The following PCDHGB3 variants were observed in gnomAD, a reference collection of about 807,000 sequenced individuals.
PCDHGB3 encodes protocadherin gamma-B3.
Under a neutral mutation model 59.2 loss-of-function variants are expected in PCDHGB3, and 40 were observed. The observed-to-expected ratio is 0.68, with a 90% CI of 0.52 to 0.88. PCDHGB3 has a LOEUF of 0.88. Among genes scored for constraint, PCDHGB3 ranks in the 40% least tolerant of loss-of-function variants. The pLI is 0.00. For missense variants in PCDHGB3, 1,309 were observed against 1,187.9 expected (o/e 1.10, Z -1.50); for synonymous variants, 581 against 503.6 (o/e 1.15, Z -2.06).
At chr5:141,423,826 A>G (rs1324911075) in intron 1 of PCDHGB3, 21 of 1,275,178 alleles carry the variant, frequency 1.6e-5, no homozygotes, top group Middle Eastern at 2.2e-4. Flanking sequence ...TTTGCCTTTC[A>G]TGAGATTACG....
intron 1 of PCDHGB3, chr5:141,404,355 G>A (rs1170833341): frequency 6.2e-7 from 1 of 1,613,896 alleles, no homozygotes; most frequent in Admixed American, 1.7e-5. Flanking sequence ...AACGCCAGAG[G>A]TACTTCCATC....
At chr5:141,418,463 C>G in intron 1 of PCDHGB3, 1 of 1,613,944 alleles carries the variant, frequency 6.2e-7, no homozygotes, top group South Asian at 1.1e-5. Context: ...GACTCTGGAC[C>G]GAGAAACGCA....
Position 141,374,832 on chromosome 5 carries a change from G to A in PCDHGB3, c.2415+2023G>A, listed in dbSNP as rs776699327. On this transcript the variant is annotated intron_variant, in intron 1 of 3. Transcript: ENST00000576222. ...TTTACTCAGCCTGTCTACCGTGTAA[G>A]TGTTCCTGAAAACCTGCCAGTAGGC... 3.1e-6 allele frequency: 5 copies of A among 1,613,908 alleles called. 1 individual carries two copies. The South Asian group carries it at 5.5e-5, about 18-fold the overall frequency.
Position 141,489,273 on chromosome 5 carries a change from G to GA in PCDHGB3, c.2416-5531dup. The GA allele has an allele frequency of 6.4e-7, 1 of 1,555,870 alleles. No individual in the cohort carries two copies. The highest frequency in any genetic ancestry group is 2.2e-5 in the East Asian group (1 of 44,466). On this transcript the variant is annotated intron_variant, in intron 1 of 3. Coordinates refer to ENST00000576222, the MANE Select transcript of PCDHGB3 (RefSeq NM_018924.5). The surrounding 1 kb of genome is among the most constrained non-coding windows in gnomAD (Gnocchi z 4.5). ...CCAAGACACTCCCACAGCTCGCTGG[G>GA]AAATGGCAAGTGCTGTGCATGTTGT...
At position 141,431,942 on chromosome 5, in the gene PCDHGB3, G is replaced by A. The variant is rs1284808063; in HGVS notation, c.2415+59133G>A. 6.2e-7 allele frequency: 1 copy of A among 1,614,116 alleles called. No homozygotes were observed. The highest frequency in any genetic ancestry group is 2.2e-5 in the East Asian group (1 of 44,884). ...CCAAGGAAATCTGCCCTTTAAATTA[G>A]AAAAATCTTACGGAAATTACTATAG... On this transcript the variant is annotated intron_variant, in intron 1 of 3. Transcript: ENST00000576222. The surrounding 1 kb of genome is among the most constrained non-coding windows in gnomAD (Gnocchi z 4.8).
Position 141,371,783 on chromosome 5 carries a change from G to A in PCDHGB3, c.1389G>A (p.Glu463=). ...HQASYTVHVA[E]NNPPGASIAH... ...CCTCCTACACCGTGCATGTAGCTGA[G>A]AACAATCCGCCTGGAGCCTCCATTG... is the stretch of plus-strand genomic sequence containing the variant. Residue 463 remains glutamate (E), a synonymous_variant, in exon 1 of 4, where the codon GAG becomes GAA. Coordinates refer to ENST00000576222, the MANE Select transcript of PCDHGB3 (RefSeq NM_018924.5). 6.2e-7 allele frequency: 1 copy of A among 1,613,986 alleles called. No individual in the cohort carries two copies. The highest frequency in any genetic ancestry group is 8.5e-7 in the Non-Finnish European group (1 of 1,179,904).
intron 1 of PCDHGB3, chr5:141,427,369 C>T (rs1333238163): frequency 4.4e-6 from 2 of 457,834 alleles, no homozygotes; most frequent in Non-Finnish European, 8.8e-6. Flanking sequence ...GAACCCTGGA[C>T]GGTGATCACT....
chr5:141,509,699 C>T (rs779592471), intron 3 of PCDHGB3, among the ~76,000 whole-genome samples: 4 of 152,168 alleles, frequency 2.6e-5, no homozygotes, highest in Non-Finnish European at 5.9e-5. Flanking sequence ...GGACGTTGGA[C>T]TGGAGGTGCT....
intron 2 of PCDHGB3, among the ~76,000 whole-genome samples, chr5:141,497,543 T>C (rs896069181): frequency 4.7e-5 from 7 of 149,068 alleles, no homozygotes; most frequent in Non-Finnish European, 9.0e-5. Context: ...AACAAACCTT[T>C]TTTTTTTTTT....
At chr5:141,419,318 G>A in intron 1 of PCDHGB3, 1 of 1,613,992 alleles carries the variant, frequency 6.2e-7, no homozygotes, top group Non-Finnish European at 8.5e-7. Flanking sequence ...CAACGGCCGT[G>A]TCTCCTACTC....
intron 1 of PCDHGB3, chr5:141,441,104 T>C (rs1158565054): frequency 6.6e-6 from 1 of 152,204 alleles, no homozygotes; most frequent in Non-Finnish European, 1.5e-5. Flanking sequence ...GAGGGACTCA[T>C]TGTCCAGTGT....
chr5:141,500,641 TA>T (rs1306300025), intron 2 of PCDHGB3, among the ~76,000 whole-genome samples: 4 of 152,346 alleles, frequency 2.6e-5, no homozygotes, highest in Middle Eastern at 3.4e-3. Flanking sequence ...ACTAGTTTTT[TA>T]AAAATAGCAA....
rs186292704 is a variant in PCDHGB3 at position 141,490,783 on chromosome 5, C to T, written c.2416-4024C>T. ...TGTGTATGTCAACCCAGAGGATGGA[C>T]GGATCTTTGCCCAGCGTACCTTTGA... On this transcript the variant is annotated intron_variant, in intron 1 of 3. Transcript: ENST00000576222. The surrounding 1 kb of genome is among the most constrained non-coding windows in gnomAD (Gnocchi z 5.4). The T allele has an allele frequency of 8.1e-6, 13 of 1,614,024 alleles. 1 individual carries two copies. Among genetic ancestry groups the T allele is most frequent in the Middle Eastern group, 3.3e-4 (2 of 6,062 alleles).
At chr5:141,462,984 T>G (rs1349170605) in intron 1 of PCDHGB3, among the ~76,000 whole-genome samples, 1 of 152,156 alleles carries the variant, frequency 6.6e-6, no homozygotes, top group African/African-American at 2.4e-5. Context: ...ACTTTTGCCT[T>G]GGGCTAATTT....
chr5:141,400,448 A>G (rs750585724), intron 1 of PCDHGB3: 1 of 1,614,078 alleles, frequency 6.2e-7, no homozygotes, highest in Non-Finnish European at 8.5e-7. Flanking sequence ...TCAGGACAAG[A>G]CATACTTTGT....
chr5:141,472,307 C>T (rs949288194), intron 1 of PCDHGB3, among the ~76,000 whole-genome samples: 2 of 150,368 alleles, frequency 1.3e-5, no homozygotes, highest in Admixed American at 6.6e-5. Flanking sequence ...TTTGGGAAGC[C>T]GAGGCAGGCA....
At chr5:141,425,756 A>G (rs1282506394) in intron 1 of PCDHGB3, among the ~76,000 whole-genome samples, 1 of 152,228 alleles carries the variant, frequency 6.6e-6, no homozygotes, top group Non-Finnish European at 1.5e-5. Flanking sequence ...TTTTTGTTCT[A>G]CAACAGGAGA....
At chr5:141,455,449 G>A (rs1421095381) in intron 1 of PCDHGB3, among the ~76,000 whole-genome samples, 1 of 152,126 alleles carries the variant, frequency 6.6e-6, no homozygotes, top group Non-Finnish European at 1.5e-5. Flanking sequence ...CATCTACCGC[G>A]GATACCAGCC....
chr5:141,419,842 C>A, intron 1 of PCDHGB3: 1 of 1,614,074 alleles, frequency 6.2e-7, no homozygotes, highest in South Asian at 1.1e-5. Flanking sequence ...CCACGCTGCA[C>A]CTGGTGTTCG....
Sources: gnomAD v4.1 joint callset for allele counts (sites outside exome capture counted in the v4.1 genomes callset) on GRCh38, gnomAD v4.1.1 for gene constraint, Gnocchi (gnomAD v3.1) non-coding constraint, MANE v1.5 for transcripts, NCBI Gene and HGNC (gene_info 2026-07-23, HGNC 2026-07-21) for gene names.